The following DZIP3 variants were observed in gnomAD, a reference collection of about 807,000 sequenced individuals.
DZIP3 encodes E3 ubiquitin-protein ligase DZIP3.
In DZIP3, 118 loss-of-function variants were observed where a neutral mutation model predicts 162.0. That is an observed-to-expected ratio of 0.73 (90% CI 0.63 to 0.85). The LOEUF (loss-of-function observed/expected upper bound fraction) is 0.85. Among genes scored for constraint, DZIP3 ranks in the 40% least tolerant of loss-of-function variants. The pLI is 0.00. For synonymous variants in DZIP3, 438 were observed against 458.6 expected (o/e 0.96, Z 0.57); for missense variants, 1,331 against 1,407.0 (o/e 0.95, Z 0.86).
chr3:108,624,141 G>A (rs1453811137), intron 5 of DZIP3, among the ~76,000 whole-genome samples: 1 of 152,154 alleles, frequency 6.6e-6, no homozygotes, highest in African/African-American at 2.4e-5. Flanking sequence ...TTTGTTCAGT[G>A]TGGTGTTCCT....
At chr3:108,625,687 A>T (rs1431808065) in intron 6 of DZIP3, among the ~76,000 whole-genome samples, 158 bp from the exon 7 acceptor site, 2 of 152,204 alleles carry the variant, frequency 1.3e-5, no homozygotes, top group Non-Finnish European at 2.9e-5. Flanking sequence ...TTGTAATCAC[A>T]TGCAGAGATG....
intron 22 of DZIP3, among the ~76,000 whole-genome samples, chr3:108,671,205 A>G (rs1241908827): frequency 2.0e-5 from 3 of 151,992 alleles, no homozygotes; most frequent in South Asian, 2.1e-4. Context: ...TTGTGTTAAT[A>G]TATCTGCTTG....
At chr3:108,669,570 G>A in intron 21 of DZIP3, 111 bp from the exon 22 acceptor site, 1 of 849,102 alleles carries the variant, frequency 1.2e-6, no homozygotes, top group Non-Finnish European at 1.8e-6. Flanking sequence ...AAGATTTGTG[G>A]CCCCAAATGG....
chr3:108,665,261 G>A, intron 21 of DZIP3, among the ~76,000 whole-genome samples: 1 of 152,196 alleles, frequency 6.6e-6, no homozygotes, highest in South Asian at 2.1e-4. Flanking sequence ...GAATATCTCA[G>A]TAAGGAAATA....
intron 26 of DZIP3, among the ~76,000 whole-genome samples, chr3:108,679,592 G>A (rs1944231016): frequency 6.6e-6 from 1 of 152,104 alleles, no homozygotes; most frequent in Admixed American, 6.6e-5. Flanking sequence ...TTTGGGAGAA[G>A]AGCACCTAGA....
At chr3:108,620,316 T>C (rs923729281) in intron 5 of DZIP3, among the ~76,000 whole-genome samples, 1 of 152,086 alleles carries the variant, frequency 6.6e-6, no homozygotes, top group African/African-American at 2.4e-5. Flanking sequence ...CAGAAGAAAA[T>C]CCCAGGTGCT....
chr3:108,608,224 G>T (rs1009125883), intron 3 of DZIP3, 66 bp downstream of exon 3: 11 of 1,268,902 alleles, frequency 8.7e-6, no homozygotes, highest in Non-Finnish European at 1.1e-5. Flanking sequence ...TGCAAATGCA[G>T]TAATACATCT....
intron 17 of DZIP3, among the ~76,000 whole-genome samples, chr3:108,650,897 T>TA (rs1489806175): frequency 6.6e-6 from 1 of 151,528 alleles, no homozygotes; most frequent in African/African-American, 2.4e-5. Flanking sequence ...AAATAGGAAT[T>TA]AAAAAAATAC....
chr3:108,688,545 T>G (rs768512930), intron 29 of DZIP3, 48 bp from the exon 30 acceptor site: 3 of 1,577,682 alleles, frequency 1.9e-6, no homozygotes, highest in East Asian at 4.5e-5. Flanking sequence ...CAGCTCTTAC[T>G]GTTTTAGGAT....
intron 1 of DZIP3, among the ~76,000 whole-genome samples, chr3:108,593,045 T>A (rs925220345): frequency 6.6e-6 from 1 of 152,220 alleles, no homozygotes; most frequent in Non-Finnish European, 1.5e-5. Flanking sequence ...TCATCATGTT[T>A]AAGAGATTGG....
chr3:108,637,773 A>C (rs1277091904), intron 12 of DZIP3, among the ~76,000 whole-genome samples: 1 of 152,180 alleles, frequency 6.6e-6, no homozygotes, highest in Non-Finnish European at 1.5e-5. Flanking sequence ...CTTTCCCATT[A>C]AATATGAAAA....
At chr3:108,636,733 T>C in intron 11 of DZIP3, 25 bp downstream of exon 11, 1 of 1,492,364 alleles carries the variant, frequency 6.7e-7, no homozygotes. Flanking sequence ...TTGTCCTTTT[T>C]TTTTTTTCTT....
At chr3:108,660,629 T>C (rs1166126135) in intron 19 of DZIP3, among the ~76,000 whole-genome samples, 1 of 152,030 alleles carries the variant, frequency 6.6e-6, no homozygotes, top group African/African-American at 2.4e-5. Flanking sequence ...AAAGCCAAAA[T>C]TGACAAATGG....
rs750457805 is a variant in DZIP3, at chr3:108,640,316, TTCA to T, written c.1065-2120_1065-2118del. 1.4e-3 allele frequency among the ~76,000 whole-genome samples: 193 copies of T among 137,142 alleles called. 1 individual carries two copies. In the Middle Eastern group the frequency reaches 0.014, roughly 10 times the overall value. 90.0% of individuals were successfully genotyped at this position (137,142 alleles called of 152,430 possible). A position where few individuals can be genotyped will look rare whatever the true frequency, so the allele number is the denominator to read the frequency against. On this transcript the variant is annotated intron_variant, in intron 12 of 32. Transcript: ENST00000361582. Reference sequence around the variant, plus strand: ...ACTCAGGGAATGTTGAAGTATACTATTCATTTTTTTTTTGTCTACTGTCTAATT... The same window carrying T: ...ACTCAGGGAATGTTGAAGTATACTATTTTTTTTTTTGTCTACTGTCTAATT...
intron 26 of DZIP3, among the ~76,000 whole-genome samples, chr3:108,679,875 C>T (rs1007094081): frequency 6.6e-6 from 1 of 152,012 alleles, no homozygotes; most frequent in Non-Finnish European, 1.5e-5. Context: ...GGATTGTTCC[C>T]AGTTTAACCC....
At chr3:108,661,306 TA>T (rs1429004733) in intron 19 of DZIP3, among the ~76,000 whole-genome samples, 10 of 152,028 alleles carry the variant, frequency 6.6e-5, no homozygotes, top group African/African-American at 2.4e-4. Flanking sequence ...TATGCAGCCA[TA>T]AAAAATGATG....
In DZIP3 at chr3:108,684,418, A is replaced by G. The variant is rs180755497; in HGVS notation, c.3009+77A>G. 1.1e-4 allele frequency: 159 copies of G among 1,503,590 alleles called. No homozygotes were observed. In the African/African-American group the frequency reaches 1.8e-3, roughly 17 times the overall value. 93.1% of individuals were successfully genotyped at this position (1,503,590 alleles called of 1,614,324 possible). A position where few individuals can be genotyped will look rare whatever the true frequency, so the allele number is the denominator to read the frequency against. On this transcript the variant is annotated intron_variant, in intron 27 of 32. Transcript: ENST00000361582. Reference sequence around the variant, plus strand: ...GTGGGCTTCCTGAATGAGTATCTTCATTTTGTTCATTCATTTGATATGATA... The same window carrying G: ...GTGGGCTTCCTGAATGAGTATCTTCGTTTTGTTCATTCATTTGATATGATA...
At position 108,644,206 on chromosome 3, in the gene DZIP3, A is replaced by G. The variant is rs762057179; in HGVS notation, c.1184A>G (p.His395Arg). The G allele has an allele frequency of 1.2e-6, 2 of 1,609,328 alleles. No homozygotes were observed. Among genetic ancestry groups the G allele is most frequent in the Non-Finnish European group, 1.7e-6 (2 of 1,178,530 alleles). The change falls in exon 14 of 33, where the codon CAT becomes CGT. Residue 395 changes from histidine to arginine, a missense_variant. His to Arg is a conservative substitution (Grantham distance 29). Transcript: ENST00000361582. ...IFKLDYNYFY[H>R]LLHIIIISGT... The stretch of plus-strand genomic sequence containing the variant: ...AAGCTTGATTATAATTATTTCTATC[A>G]TCTGCTTCATATAATTATTATTTCT...
At chr3:108,642,359 G>C in intron 12 of DZIP3, 79 bp from the exon 13 acceptor site, 1 of 1,366,590 alleles carries the variant, frequency 7.3e-7, no homozygotes, top group Non-Finnish European at 9.8e-7. Flanking sequence ...TACTCACTTA[G>C]CCATGCTCAT....
Sources: allele counts gnomAD v4.1 joint callset (sites outside exome capture counted in the v4.1 genomes callset), GRCh38; gene constraint gnomAD v4.1.1; transcripts MANE v1.5; gene names NCBI Gene and HGNC (gene_info 2026-07-23, HGNC 2026-07-21).